Variants in CC2D2B observed in about 807,000 individuals in gnomAD.
CC2D2B encodes coiled-coil and C2 domain containing 2B.
CC2D2B carries 128 observed loss-of-function variants against 161.2 expected under a neutral mutation model. That is an observed-to-expected ratio of 0.79 (90% CI 0.69 to 0.92). CC2D2B has a LOEUF of 0.92. Among genes scored for constraint, CC2D2B ranks in the 40% least tolerant of loss-of-function variants. The pLI, the probability that CC2D2B is intolerant of heterozygous loss-of-function variation, is 0.00. For synonymous variants in CC2D2B, 391 were observed against 449.8 expected (o/e 0.87, Z 1.65); for missense variants, 1,173 against 1,375.1 (o/e 0.85, Z 2.32).
rs35298116 is a variant in CC2D2B at position 95,938,581 on chromosome 10, G to A, written c.548G>A (p.Arg183His). The change falls in exon 8 of 35, where the codon CGC becomes CAC. Residue 183 changes from arginine to histidine, a missense_variant. Physicochemically the swap from Arg to His is conservative, Grantham distance 29. This residue lies in a region of CC2D2B where 298 missense variants were observed against 261.2 expected (regional missense o/e 1.14). Transcript: ENST00000646931. ...TATTGTTATAAAGTGGTTAACCAGC[G>A]CAAACTGCCAAAAGATATGATGCCA... ...VPSSSPVVNQ[R>H]KLPKDMMPRI... The A allele has an allele frequency of 0.13, 92,641 of 697,288 alleles. 6,990 individuals carry two copies. The highest frequency in any genetic ancestry group is 0.17 in the Middle Eastern group (708 of 4,256). The allele number at this position is 697,288 out of a possible 1,614,324, so 43.2% of individuals were successfully genotyped here. A position where few individuals can be genotyped will look rare whatever the true frequency, so the allele number is the denominator to read the frequency against.
chr10:95,982,461 A>C (rs1465019949), intron 18 of CC2D2B, among the ~76,000 whole-genome samples: 1 of 151,816 alleles, frequency 6.6e-6, no homozygotes, highest in Non-Finnish European at 1.5e-5. Context: ...TTATAAACAC[A>C]CTCCTTCTCT....
intron 2 of CC2D2B, among the ~76,000 whole-genome samples, chr10:95,917,192 G>T (rs2098517905): frequency 6.6e-6 from 1 of 151,980 alleles, no homozygotes; most frequent in South Asian, 2.1e-4. Flanking sequence ...TATAATTATA[G>T]CTATTCCTGC....
At chr10:95,963,158 T>G (rs1208829459) in intron 12 of CC2D2B, among the ~76,000 whole-genome samples, 1 of 152,180 alleles carries the variant, frequency 6.6e-6, no homozygotes, top group Non-Finnish European at 1.5e-5. Context: ...TGGCCCCAGC[T>G]GGGGTAGCCC....
At chr10:95,933,261 T>G (rs2075677625) in intron 6 of CC2D2B, among the ~76,000 whole-genome samples, 1 of 152,152 alleles carries the variant, frequency 6.6e-6, no homozygotes, top group South Asian at 2.1e-4. Context: ...TTAAACTGGT[T>G]GTTCCAGTTA....
intron 25 of CC2D2B, among the ~76,000 whole-genome samples, chr10:96,005,976 A>T (rs2078732728): frequency 6.6e-6 from 1 of 152,104 alleles, no homozygotes; most frequent in Non-Finnish European, 1.5e-5. Flanking sequence ...ATCTACTCTC[A>T]TCTGGTTTCT....
intron 34 of CC2D2B, among the ~76,000 whole-genome samples, chr10:96,029,390 T>C (rs1185363517): frequency 6.6e-6 from 1 of 150,682 alleles, no homozygotes; most frequent in Admixed American, 6.6e-5. Context: ...ACTTCAAATG[T>C]GTTGAAGAAT....
chr10:96,027,022 C>G (rs557448265), intron 33 of CC2D2B, among the ~76,000 whole-genome samples, 190 bp from the exon 34 acceptor site: 5 of 152,116 alleles, frequency 3.3e-5, no homozygotes, highest in South Asian at 2.1e-4. Flanking sequence ...AATCGGGAGG[C>G]TGAGGCAGGA....
Position 95,991,451 on chromosome 10 carries a change from G to A in CC2D2B, c.2461G>A (p.Val821Ile), listed in dbSNP as rs997928791. 4.8e-6 allele frequency: 5 copies of A among 1,039,010 alleles called. No homozygotes were observed. In the Admixed American group the frequency reaches 1.7e-4, roughly 36 times the overall value. The allele number at this position is 1,039,010 out of a possible 1,614,324, so 64.4% of individuals were successfully genotyped here. Residue 821 changes from valine (V) to isoleucine (I), a missense_variant, in exon 21 of 35, where the codon GTA (valine) becomes ATA (isoleucine). By Grantham distance (29) the Val-to-Ile change is conservative. Transcript: ENST00000646931. Reference protein sequence around the residue: ...SDIVNDYEEIVSTSQLTDAVC... With the variant: ...SDIVNDYEEIISTSQLTDAVC... ...TATTGTGAATGATTATGAAGAAATT[G>A]TATCTACAAGGTAATTGCTAAAAAC...
At chr10:95,916,113 A>G (rs558932672) in intron 2 of CC2D2B, among the ~76,000 whole-genome samples, 1 of 152,072 alleles carries the variant, frequency 6.6e-6, no homozygotes, top group East Asian at 1.9e-4. Context: ...GGATTTCTTC[A>G]TGGTTCAATC....
intron 24 of CC2D2B, among the ~76,000 whole-genome samples, chr10:95,996,897 T>C (rs1400181994): frequency 6.6e-6 from 1 of 152,148 alleles, no homozygotes; most frequent in African/African-American, 2.4e-5. Flanking sequence ...CCCTTATGAA[T>C]AGATTAATGT....
At chr10:95,956,452 A>G (rs1317400786) in intron 11 of CC2D2B, among the ~76,000 whole-genome samples, 1 of 152,200 alleles carries the variant, frequency 6.6e-6, no homozygotes, top group Non-Finnish European at 1.5e-5. Flanking sequence ...AACAAGATAT[A>G]GTAAATAATT....
At position 95,977,572 on chromosome 10, in the gene CC2D2B, C is replaced by G. The variant is rs78433931; in HGVS notation, c.1943+3416C>G. On this transcript the variant is annotated intron_variant, in intron 17 of 34. Transcript: ENST00000646931. The stretch of plus-strand genomic sequence containing the variant: ...TTTCTTATTTCCCATCCTTCATTCT[C>G]GATTTACTTTTCATGCTGAAAGCAT... Among the ~76,000 whole-genome samples the G allele has an allele frequency of 6.2e-3, 946 of 152,298 alleles. 11 individuals carry two copies. Among genetic ancestry groups the G allele is most frequent in the African/African-American group, 0.022 (899 of 41,560 alleles).
At chr10:96,022,369 C>G (rs775236262) in intron 32 of CC2D2B, among the ~76,000 whole-genome samples, 2 of 152,160 alleles carry the variant, frequency 1.3e-5, no homozygotes, top group African/African-American at 4.8e-5. Context: ...ATCTCTTTCC[C>G]GCTCTCAAAG....
chr10:95,941,037 T>C (rs2076004445), intron 9 of CC2D2B, among the ~76,000 whole-genome samples: 1 of 152,074 alleles, frequency 6.6e-6, no homozygotes, highest in South Asian at 2.1e-4. Context: ...GAAATAAACT[T>C]ATGTATATAC....
intron 16 of CC2D2B, 21 bp from the exon 17 acceptor site, chr10:95,973,988 T>A: frequency 8.2e-7 from 1 of 1,226,386 alleles, no homozygotes; most frequent in Non-Finnish European, 1.0e-6. Context: ...TTCATATGTT[T>A]TTAATGCCTT....
intron 9 of CC2D2B, among the ~76,000 whole-genome samples, chr10:95,941,055 T>A (rs4561133): frequency 0.24 from 35,966 of 151,818 alleles, 4,985 homozygotes; most frequent in East Asian, 0.63. Flanking sequence ...TACAGTCAAA[T>A]GATCTTCAAG....
intron 6 of CC2D2B, 45 bp from the exon 7 acceptor site, chr10:95,937,946 T>C: frequency 8.8e-7 from 1 of 1,139,202 alleles, no homozygotes; most frequent in East Asian, 2.6e-5. Flanking sequence ...TATTAATCAT[T>C]GGAGACAAGC....
intron 3 of CC2D2B, among the ~76,000 whole-genome samples, chr10:95,923,021 C>T (rs183406158): frequency 5.9e-4 from 89 of 151,514 alleles, no homozygotes; most frequent in African/African-American, 1.7e-3. Context: ...GGCGTGATCT[C>T]GGCTCACCAC....
rs1590884552 is a variant in CC2D2B, at chr10:96,013,883, A to C, written c.3516+6A>C. ...ATATATGGATGACATCAGAGGTAAT[A>C]AATTACATTTTATATATATAATTGA... On this transcript the variant is annotated splice_donor_region_variant and intron_variant, in intron 29 of 34. Coordinates refer to ENST00000646931, the MANE Select transcript of CC2D2B (RefSeq NM_001349008.3). 2.8e-6 allele frequency: 4 copies of C among 1,422,832 alleles called. No individual in the cohort carries two copies. The East Asian group carries it at 9.8e-5, about 35-fold the overall frequency. 88.1% of individuals were successfully genotyped at this position (1,422,832 alleles called of 1,614,324 possible).
Sources: allele counts gnomAD v4.1 joint callset (sites outside exome capture counted in the v4.1 genomes callset), GRCh38; gene constraint gnomAD v4.1.1; regional missense constraint gnomAD v4.1.1; transcripts MANE v1.5; gene names NCBI Gene and HGNC (gene_info 2026-07-23, HGNC 2026-07-21).